FLRT1: variants seen among roughly 807,000 people sequenced by gnomAD.
FLRT1 encodes fibronectin leucine rich transmembrane protein 1.
FLRT1 carries 14 observed loss-of-function variants against 30.9 expected under a neutral mutation model. The ratio of observed to expected loss-of-function variants is 0.45; its 90% confidence interval spans 0.30 to 0.71. The LOEUF (loss-of-function observed/expected upper bound fraction) is 0.71, where lower values mean the gene tolerates loss of function less well. Among genes scored for constraint, FLRT1 ranks in the 30% least tolerant of loss-of-function variants. The pLI is 0.08. For synonymous variants in FLRT1, 368 were observed against 430.4 expected, an observed-to-expected ratio of 0.85 and a Z score of 1.80; for missense variants, 737 against 949.2, an observed-to-expected ratio of 0.78 and a Z score of 2.94.
In FLRT1 at chr11:64,096,655, T is replaced by C. The variant is rs1944581509; in HGVS notation, c.-1037-6539T>C. ...TGGTCTCGAACTCCTGACCTCAAGTTATCCGCCTGCCTCAGCCTCCCAAAG... is the reference window on the plus strand; with the variant it reads ...TGGTCTCGAACTCCTGACCTCAAGTCATCCGCCTGCCTCAGCCTCCCAAAG... On this transcript the variant is annotated intron_variant, in intron 1 of 2. Coordinates refer to ENST00000682287, the MANE Select transcript of FLRT1 (RefSeq NM_013280.5). This position sits in a 1 kb window ranked among gnomAD's most constrained non-coding sequence, Gnocchi z 4.6. Among the ~76,000 whole-genome samples, 1 of 152,042 alleles carries C rather than the reference T, an allele frequency of 6.6e-6. No homozygotes were observed. The highest frequency in any genetic ancestry group is 1.5e-5 in the Non-Finnish European group (1 of 67,982).
At chr11:64,081,950 G>C (rs1944312196) in intron 1 of FLRT1, 1 of 152,332 alleles carries the variant, frequency 6.6e-6, no homozygotes, top group Non-Finnish European at 1.5e-5. Context: ...CGTTCTACCT[G>C]CTGTGTTCTA....
intron 1 of FLRT1, among the ~76,000 whole-genome samples, chr11:64,065,472 G>T (rs1943981355): frequency 6.6e-6 from 1 of 152,178 alleles, no homozygotes; most frequent in Non-Finnish European, 1.5e-5. Context: ...GTGTGTGCTT[G>T]TCCTGAGCTA....
Position 64,077,644 on chromosome 11 carries a change from CAGAGGCACATGCTG to C in FLRT1, c.-1037-25549_-1037-25536del, listed in dbSNP as rs576630817. On this transcript the variant is annotated intron_variant, in intron 1 of 2. Coordinates refer to ENST00000682287, the MANE Select transcript of FLRT1 (RefSeq NM_013280.5). ...CGAACAGAACTCATAGATGGACGCT[CAGAGGCACATGCTG>C]GCACACCCCCACCTGCCGTGCCCCC... 9.2e-5 allele frequency among the ~76,000 whole-genome samples: 14 copies of C among 152,254 alleles called. No homozygotes were observed. In the South Asian group the frequency reaches 2.9e-3, roughly 32 times the overall value.
intron 1 of FLRT1, among the ~76,000 whole-genome samples, chr11:64,102,770 G>GA (rs964598152): frequency 5.9e-5 from 9 of 151,784 alleles, no homozygotes; most frequent in Non-Finnish European, 1.0e-4. Flanking sequence ...GTGGCATTAA[G>GA]AAAAAAAACA....
At chr11:64,045,699 A>G (rs1363161894) in intron 1 of FLRT1, among the ~76,000 whole-genome samples, 1 of 152,222 alleles carries the variant, frequency 6.6e-6, no homozygotes, top group African/African-American at 2.4e-5. Flanking sequence ...CTGGCCAGCC[A>G]TGTGGTTGCA....
chr11:64,103,838 C>T lies in FLRT1; in HGVS notation c.-393C>T, dbSNP rs565432359. The stretch of plus-strand genomic sequence containing the variant: ...GGGGTGTCCCTGTACCCCTTGCACA[C>T]AGGACCCTCACTCTGCAGGGATAAG... On this transcript the variant is annotated 5_prime_UTR_variant, in exon 2 of 3. It introduces an in-frame stop codon into an upstream open reading frame of the 5' UTR. Transcript: ENST00000682287. 3 of 152,400 alleles carry T rather than the reference C, an allele frequency of 2.0e-5. No individual in the cohort carries two copies. Among genetic ancestry groups the T allele is most frequent in the South Asian group, 2.1e-4 (1 of 4,822 alleles). 9.4% of individuals were successfully genotyped at this position (152,400 alleles called of 1,614,324 possible). A position where few individuals can be genotyped will look rare whatever the true frequency, so the allele number is the denominator to read the frequency against.
At chr11:64,058,349 G>C (rs1402489178) in intron 1 of FLRT1, among the ~76,000 whole-genome samples, 1 of 152,276 alleles carries the variant, frequency 6.6e-6, no homozygotes, top group Non-Finnish European at 1.5e-5. Flanking sequence ...ACGCTTAGAG[G>C]AGGCAGCCCA....
intron 1 of FLRT1, among the ~76,000 whole-genome samples, chr11:64,074,109 C>G (rs1477099899): frequency 6.6e-6 from 1 of 152,204 alleles, no homozygotes; most frequent in Non-Finnish European, 1.5e-5. Flanking sequence ...CTTGCCTCCT[C>G]TCAAAGAAAG....
chr11:64,056,258 G>A (rs979706955), intron 1 of FLRT1, among the ~76,000 whole-genome samples: 1 of 152,088 alleles, frequency 6.6e-6, no homozygotes, highest in Non-Finnish European at 1.5e-5. Flanking sequence ...GAGAGGCTGA[G>A]GGAGCTAGGC....
intron 1 of FLRT1, among the ~76,000 whole-genome samples, chr11:64,088,520 G>A (rs963329982): frequency 6.6e-5 from 10 of 152,182 alleles, no homozygotes; most frequent in Non-Finnish European, 1.3e-4. Context: ...GACGGCAGAG[G>A]CTGACTCTCC....
Position 64,064,547 on chromosome 11 carries a change from C to A in FLRT1, c.-1038+28388C>A, listed in dbSNP as rs974283796. On this transcript the variant is annotated intron_variant, in intron 1 of 2. Coordinates refer to ENST00000682287, the MANE Select transcript of FLRT1 (RefSeq NM_013280.5). This position sits in a 1 kb window ranked among gnomAD's most constrained non-coding sequence, Gnocchi z 4.5. ...ACGTATGTGCCTGGCATGGTCCTTG[C>A]CTGAGTCCTGCCTGCTGGCTGACAC... Among the ~76,000 whole-genome samples the A allele has an allele frequency of 6.6e-6, 1 of 152,096 alleles. No homozygotes were observed. The highest frequency in any genetic ancestry group is 2.4e-5 in the African/African-American group (1 of 41,432).
Position 64,116,555 on chromosome 11 carries a change from C to T in FLRT1, c.288C>T (p.Ala96=), listed in dbSNP as rs614035. 0.63 allele frequency: 1,019,520 copies of T among 1,613,820 alleles called. 334,388 individuals carry two copies. Among genetic ancestry groups the T allele is most frequent in the Non-Finnish European group, 0.68 (801,007 of 1,179,916 alleles). Residue 96 remains alanine (A), a synonymous_variant, in exon 3 of 3, where the codon GCC becomes GCT. Transcript: ENST00000682287. ...TGCAGAACAACCAGATCAACAACGC[C>T]GGCATCCCCCAGGACCTCAAGACCA... The part of the protein sequence containing the change: ...LYLQNNQINN[A]GIPQDLKTKV...
At chr11:64,092,577 C>T (rs1033738194) in intron 1 of FLRT1, among the ~76,000 whole-genome samples, 2 of 152,228 alleles carry the variant, frequency 1.3e-5, no homozygotes, top group African/African-American at 2.4e-5. Flanking sequence ...TGGCCCAGCC[C>T]GGCTCCTCTG....
intron 2 of FLRT1, among the ~76,000 whole-genome samples, chr11:64,107,535 A>ATAC (rs2307738): frequency 0.15 from 23,200 of 152,280 alleles, 2,186 homozygotes; most frequent in East Asian, 0.25. Flanking sequence ...GTGGATTTGC[A>ATAC]TACCTGTCTG....
intron 1 of FLRT1, among the ~76,000 whole-genome samples, chr11:64,055,790 A>T (rs910269447): frequency 6.6e-6 from 1 of 152,048 alleles, no homozygotes; most frequent in African/African-American, 2.4e-5. Context: ...TTTCATACAG[A>T]GGATGCTGGT....
At position 64,096,293 on chromosome 11, in the gene FLRT1, G is replaced by A. The variant is rs1944574904; in HGVS notation, c.-1037-6901G>A. On this transcript the variant is annotated intron_variant, in intron 1 of 2. Transcript: ENST00000682287. This position sits in a 1 kb window ranked among gnomAD's most constrained non-coding sequence, Gnocchi z 4.6. ...AAAGAAGAGGTTCCGGCCTTGGCTG[G>A]TGGCGCCAGGTTCATCACCCCGAGC... Among the ~76,000 whole-genome samples, 1 of 152,224 alleles carries A rather than the reference G, an allele frequency of 6.6e-6. No homozygotes were observed. The highest frequency in any genetic ancestry group is 6.5e-5 in the Admixed American group (1 of 15,290).
chr11:64,072,123 C>G (rs368896003), intron 1 of FLRT1, among the ~76,000 whole-genome samples: 1 of 152,236 alleles, frequency 6.6e-6, no homozygotes, highest in African/African-American at 2.4e-5. Context: ...GGGCCTGCCC[C>G]GGCTGGCAGC....
At chr11:64,097,943 G>A (rs913802595) in intron 1 of FLRT1, among the ~76,000 whole-genome samples, 10 of 152,026 alleles carry the variant, frequency 6.6e-5, no homozygotes, top group African/African-American at 2.2e-4. Flanking sequence ...AGAAGGAGGC[G>A]GGAACCCACT....
chr11:64,087,888 C>A (rs1944422121), intron 1 of FLRT1, among the ~76,000 whole-genome samples: 1 of 152,220 alleles, frequency 6.6e-6, no homozygotes, highest in Non-Finnish European at 1.5e-5. Flanking sequence ...CAGGGCTTAG[C>A]TCCTTCTTTC....
Sources: allele counts gnomAD v4.1 joint callset (sites outside exome capture counted in the v4.1 genomes callset), GRCh38; gene constraint gnomAD v4.1.1; non-coding constraint Gnocchi (gnomAD v3.1); transcripts MANE v1.5; gene names NCBI Gene and HGNC (gene_info 2026-07-23, HGNC 2026-07-21).